ZNF26: variants seen among roughly 807,000 people sequenced by gnomAD.
The protein encoded by ZNF26 is epididymis luminal protein 179.
ZNF26 carries 32 observed loss-of-function variants against 54.9 expected under a neutral mutation model. That is an observed-to-expected ratio of 0.58 (90% CI 0.44 to 0.78). The LOEUF is 0.78. Among genes scored for constraint, ZNF26 ranks in the 30% least tolerant of loss-of-function variants. The pLI, the probability that ZNF26 is intolerant of heterozygous loss-of-function variation, is 0.00. For synonymous variants in ZNF26, 221 were observed against 209.2 expected, an observed-to-expected ratio of 1.06 and a Z score of -0.49; for missense variants, 524 against 634.0, an observed-to-expected ratio of 0.83 and a Z score of 1.86.
chr12:133,010,517 C>T lies in ZNF26; in HGVS notation c.638C>T (p.Ala213Val). 14 of 1,613,902 alleles carry T rather than the reference C, an allele frequency of 8.7e-6. No individual in the cohort carries two copies. Among genetic ancestry groups the T allele is most frequent in the Non-Finnish European group, 1.0e-5 (12 of 1,179,974 alleles). Residue 213 changes from alanine (A) to valine (V), a missense_variant, in exon 4 of 4, where the codon GCC becomes GTC. By Grantham distance (64) the Ala-to-Val change is moderately conservative (BLOSUM62 0). Coordinates refer to ENST00000328654, the MANE Select transcript of ZNF26 (RefSeq NM_019591.4). Reference sequence around the variant, plus strand: ...AGTAAATGTGAAAGAGCCTTCAGTGCCAAGTCAAACCTTAATGCTCATCAG... The same window carrying T: ...AGTAAATGTGAAAGAGCCTTCAGTGTCAAGTCAAACCTTAATGCTCATCAG... ...ECSKCERAFS[A>V]KSNLNAHQRV...
rs1953503638 is a variant in ZNF26, at chr12:133,012,587, T to TTTTG, written c.*1109_*1110insGTTT. On this transcript the variant is annotated 3_prime_UTR_variant, in exon 4 of 4. Transcript: ENST00000328654. The stretch of plus-strand genomic sequence containing the variant: ...GCTTTTTGTTGTTTGGGTTTTTTTT[T>TTTTG]TTTTTTTTTTTTTTTTTTTTTTGAG... The TTTTG allele has an allele frequency of 8.3e-6, 1 of 119,996 alleles. No individual in the cohort carries two copies. Among genetic ancestry groups the TTTTG allele is most frequent in the African/African-American group, 3.2e-5 (1 of 31,408 alleles). The allele number at this position is 119,996 out of a possible 1,614,324, so 7.4% of individuals were successfully genotyped here.
At position 133,012,578 on chromosome 12, in the gene ZNF26, G is replaced by GTTTTTTTTTTTTTTTTTGTTTTTTTTT. The variant is rs1953501790; in HGVS notation, c.*1114_*1115insGTTTTTTTTTTTTTTTTTTTTTTTTTT. The GTTTTTTTTTTTTTTTTTGTTTTTTTTT allele has an allele frequency of 2.7e-5, 1 of 37,652 alleles. No homozygotes were observed. Among genetic ancestry groups the GTTTTTTTTTTTTTTTTTGTTTTTTTTT allele is most frequent in the Non-Finnish European group, 4.8e-5 (1 of 20,650 alleles). 2.3% of individuals were successfully genotyped at this position (37,652 alleles called of 1,614,324 possible). On this transcript the variant is annotated 3_prime_UTR_variant, in exon 4 of 4. Coordinates refer to ENST00000328654, the MANE Select transcript of ZNF26 (RefSeq NM_019591.4). ...ATGTCTTTTGCTTTTTGTTGTTTGG[G>GTTTTTTTTTTTTTTTTTGTTTTTTTTT]TTTTTTTTTTTTTTTTTTTTTTTTT... is the stretch of plus-strand genomic sequence containing the variant.
At chr12:132,992,926 G>A (rs1186122785) in intron 1 of ZNF26, among the ~76,000 whole-genome samples, 1 of 149,904 alleles carries the variant, frequency 6.7e-6, no homozygotes, top group Non-Finnish European at 1.5e-5. Context: ...ACATCCTTAA[G>A]TTCAAAGATT....
Position 133,025,459 on chromosome 12 carries a change from A to AT in ZNF26, c.*13979dup, listed in dbSNP as rs1302674322. On this transcript the variant is annotated 3_prime_UTR_variant, in exon 4 of 4. Coordinates refer to ENST00000328654, the MANE Select transcript of ZNF26 (RefSeq NM_019591.4). ...GGGGGAGGAGATGGCTGTACTTTGC[A>AT]TGGGGGGGATGTGAATTGTTACAGC... The AT allele has an allele frequency of 1.3e-5, 2 of 152,126 alleles. No homozygotes were observed. The highest frequency in any genetic ancestry group is 6.6e-5 in the Admixed American group (1 of 15,262). The allele number at this position is 152,126 out of a possible 1,614,324, so 9.4% of individuals were successfully genotyped here.
At chr12:132,988,459 G>T (rs1380866460) in intron 1 of ZNF26, among the ~76,000 whole-genome samples, 3 of 151,778 alleles carry the variant, frequency 2.0e-5, no homozygotes, top group African/African-American at 7.3e-5. Context: ...GCCCTGGCTG[G>T]CCTGCAACTC....
At chr12:132,993,294 G>A (rs2137217953) in intron 1 of ZNF26, among the ~76,000 whole-genome samples, 1 of 151,870 alleles carries the variant, frequency 6.6e-6, no homozygotes, top group South Asian at 2.1e-4. Flanking sequence ...CAAAGTGCTG[G>A]GATTACAGGT....
At chr12:132,987,560 G>A in intron 1 of ZNF26, 1 of 252,436 alleles carries the variant, frequency 4.0e-6, no homozygotes, top group Non-Finnish European at 6.3e-6. Flanking sequence ...GCCGGATGTG[G>A]TGCTCTACCA....
At position 133,017,743 on chromosome 12, in the gene ZNF26, C is replaced by G. The variant is rs369728963; in HGVS notation, c.*6262C>G. 6.6e-6 allele frequency: 1 copy of G among 152,272 alleles called. No individual in the cohort carries two copies. The highest frequency in any genetic ancestry group is 1.5e-5 in the Non-Finnish European group (1 of 68,078). The allele number at this position is 152,272 out of a possible 1,614,324, so 9.4% of individuals were successfully genotyped here. A position where few individuals can be genotyped will look rare whatever the true frequency, so the allele number is the denominator to read the frequency against. On this transcript the variant is annotated 3_prime_UTR_variant, in exon 4 of 4. Transcript: ENST00000328654. ...AATAATTATAGGCCAGGCGTGGTGG[C>G]TCACGCCTGTAATCCCAGCACTTTG... is the stretch of plus-strand genomic sequence containing the variant.
Position 133,011,520 on chromosome 12 carries a change from G to T in ZNF26, c.*39G>T. The T allele has an allele frequency of 6.6e-7, 1 of 1,509,390 alleles. No homozygotes were observed. Among genetic ancestry groups the T allele is most frequent in the East Asian group, 2.3e-5 (1 of 43,934 alleles). The allele number at this position is 1,509,390 out of a possible 1,614,324, so 93.5% of individuals were successfully genotyped here. A position where few individuals can be genotyped will look rare whatever the true frequency, so the allele number is the denominator to read the frequency against. ...TGCAATGTGAGAAACTGATGTTCAG[G>T]AGACTTCGGATAATATAGACAGGAT... On this transcript the variant is annotated 3_prime_UTR_variant, in exon 4 of 4. Transcript: ENST00000328654.
At chr12:132,987,004 T>A in intron 1 of ZNF26, 131 bp downstream of exon 1, 1 of 1,019,288 alleles carries the variant, frequency 9.8e-7, no homozygotes, top group Non-Finnish European at 1.4e-6. Context: ...TAGACTACCC[T>A]CCCCACCAAA....
rs1432910449 is a variant in ZNF26, at chr12:133,001,022, G to A, written c.34-6020G>A. On this transcript the variant is annotated intron_variant, in intron 1 of 3. Coordinates refer to ENST00000328654, the MANE Select transcript of ZNF26 (RefSeq NM_019591.4). This position sits in a 1 kb window ranked among gnomAD's most constrained non-coding sequence, Gnocchi z 4.7. ...AAGCAGCCACTTTGGGCTCCGTTTCGTCTTCTGCTGTCGACCTCCAGCTTC... is the reference window on the plus strand; with the variant it reads ...AAGCAGCCACTTTGGGCTCCGTTTCATCTTCTGCTGTCGACCTCCAGCTTC... Among the ~76,000 whole-genome samples the A allele has an allele frequency of 7.2e-5, 11 of 152,242 alleles. No homozygotes were observed. The highest frequency in any genetic ancestry group is 2.4e-4 in the African/African-American group (10 of 41,540).
chr12:133,007,228 T>C (rs982222215), intron 2 of ZNF26, 60 bp downstream of exon 2: 1 of 1,590,582 alleles, frequency 6.3e-7, no homozygotes, highest in Non-Finnish European at 8.6e-7. Flanking sequence ...TCCCTTTTTT[T>C]GTTGTTGAAC....
Position 133,021,405 on chromosome 12 carries a change from C to A in ZNF26, c.*9924C>A, listed in dbSNP as rs1230225948. 2 of 151,740 alleles carry A rather than the reference C, an allele frequency of 1.3e-5. No homozygotes were observed. The highest frequency in any genetic ancestry group is 4.8e-5 in the African/African-American group (2 of 41,390). 9.4% of individuals were successfully genotyped at this position (151,740 alleles called of 1,614,324 possible). On this transcript the variant is annotated 3_prime_UTR_variant, in exon 4 of 4. Coordinates refer to ENST00000328654, the MANE Select transcript of ZNF26 (RefSeq NM_019591.4). ...ACCTCAGGTGATCCACCCACCTCGG[C>A]CTCCCAAAGTGCTGGGATTACAGGC...
chr12:133,019,538 A>G lies in ZNF26; in HGVS notation c.*8057A>G, dbSNP rs1399972062. 6.6e-6 allele frequency: 1 copy of G among 152,198 alleles called. No individual in the cohort carries two copies. 9.4% of individuals were successfully genotyped at this position (152,198 alleles called of 1,614,324 possible). On this transcript the variant is annotated 3_prime_UTR_variant, in exon 4 of 4. Coordinates refer to ENST00000328654, the MANE Select transcript of ZNF26 (RefSeq NM_019591.4). ...CAGATATCATCCCTCTTCAGTTAAA[A>G]TGGCTTGTATCAGAAAGACAGGAAA... is the stretch of plus-strand genomic sequence containing the variant.
chr12:133,008,542 C>T (rs979634926), intron 3 of ZNF26, among the ~76,000 whole-genome samples: 47 of 152,052 alleles, frequency 3.1e-4, no homozygotes, highest in African/African-American at 8.9e-4. Context: ...TTTGGGAGGC[C>T]GAGGCGGGTG....
chr12:133,003,356 G>A lies in ZNF26; in HGVS notation c.34-3686G>A, dbSNP rs1443938693. ...TGCAAGCTCTGCCTCCTGGGTTAACGCCATTCTCCTGCCTCAGCCTCCCGA... is the reference window on the plus strand; with the variant it reads ...TGCAAGCTCTGCCTCCTGGGTTAACACCATTCTCCTGCCTCAGCCTCCCGA... On this transcript the variant is annotated intron_variant, in intron 1 of 3. Coordinates refer to ENST00000328654, the MANE Select transcript of ZNF26 (RefSeq NM_019591.4). 6.0e-5 allele frequency among the ~76,000 whole-genome samples: 9 copies of A among 150,504 alleles called. No homozygotes were observed. In the East Asian group the frequency reaches 1.4e-3, roughly 23 times the overall value.
At position 133,010,480 on chromosome 12, in the gene ZNF26, C is replaced by G; in HGVS notation, c.601C>G (p.Pro201Ala). The G allele has an allele frequency of 6.2e-7, 1 of 1,614,016 alleles. No individual in the cohort carries two copies. The highest frequency in any genetic ancestry group is 8.5e-7 in the Non-Finnish European group (1 of 1,180,006). Residue 201 changes from proline to alanine, a missense_variant, in exon 4 of 4, where the codon CCT becomes GCT. Physicochemically the swap from Pro to Ala is conservative, Grantham distance 27. Transcript: ENST00000328654. ...TCTCAGAATTCATACAGGAGAGAGA[C>G]CTTATGAATGCAGTAAATGTGAAAG... ...VHLRIHTGERPYECSKCERAF... is the reference protein window; with the variant it reads ...VHLRIHTGERAYECSKCERAF...
chr12:132,999,886 T>A (rs950684505), intron 1 of ZNF26, among the ~76,000 whole-genome samples: 7 of 151,910 alleles, frequency 4.6e-5, no homozygotes, highest in Admixed American at 2.6e-4. Context: ...GTCAGGCTGG[T>A]CTCAAACTCC....
At chr12:132,998,208 C>G (rs2137230269) in intron 1 of ZNF26, among the ~76,000 whole-genome samples, 1 of 151,432 alleles carries the variant, frequency 6.6e-6, no homozygotes, top group South Asian at 2.1e-4. Flanking sequence ...GCTCTGTCGC[C>G]CAGGCTGGAG....
Sources: gnomAD v4.1 joint callset for allele counts (sites outside exome capture counted in the v4.1 genomes callset) on GRCh38, gnomAD v4.1.1 for gene constraint, Gnocchi (gnomAD v3.1) non-coding constraint, MANE v1.5 for transcripts, NCBI Gene and HGNC (gene_info 2026-07-23, HGNC 2026-07-21) for gene names.